VGLL4: variants seen among roughly 807,000 people sequenced by gnomAD.
VGLL4 encodes the protein transcription cofactor vestigial-like protein 4.
In VGLL4, 7 loss-of-function variants were observed where a neutral mutation model predicts 21.0. That is an observed-to-expected ratio of 0.33 (90% CI 0.19 to 0.63). The LOEUF (loss-of-function observed/expected upper bound fraction) is 0.63, where lower values mean the gene tolerates loss of function less well. Among genes scored for constraint, VGLL4 ranks in the 20% least tolerant of loss-of-function variants. The pLI is 0.78. For missense variants in VGLL4, 394 were observed against 425.7 expected, an observed-to-expected ratio of 0.93 and a Z score of 0.66; for synonymous variants, 222 against 173.2, an observed-to-expected ratio of 1.28 and a Z score of -2.21.
At chr3:11,670,908 ATG>A (rs2076202700) in intron 2 of VGLL4, among the ~76,000 whole-genome samples, 1 of 151,878 alleles carries the variant, frequency 6.6e-6, no homozygotes, top group South Asian at 2.1e-4. Context: ...GTGGTGGCGC[ATG>A]CCTGTAATTG....
At chr3:11,689,289 C>G (rs1431959036) in intron 2 of VGLL4, among the ~76,000 whole-genome samples, 4 of 152,214 alleles carry the variant, frequency 2.6e-5, no homozygotes, top group Middle Eastern at 3.4e-3. Context: ...CATGTTAAGA[C>G]TCTGGGGTTG....
chr3:11,561,127 C>T (rs569634309), intron 3 of VGLL4, among the ~76,000 whole-genome samples: 1 of 93,056 alleles, frequency 1.1e-5, no homozygotes, highest in Non-Finnish European at 2.2e-5. Context: ...TCTAGGAGAC[C>T]CCCCCCCAGG....
At chr3:11,643,128 A>G (rs2075728105) in intron 1 of VGLL4, among the ~76,000 whole-genome samples, 1 of 152,162 alleles carries the variant, frequency 6.6e-6, no homozygotes, top group South Asian at 2.1e-4. Context: ...CCTAAAGACA[A>G]TATTAACGGA....
Position 11,643,632 on chromosome 3 carries a change from C to T in VGLL4, c.-114G>A. 6.4e-7 allele frequency: 1 copy of T among 1,554,344 alleles called. No individual in the cohort carries two copies. Among genetic ancestry groups the T allele is most frequent in the Non-Finnish European group, 8.6e-7 (1 of 1,156,690 alleles). On this transcript the variant is annotated 5_prime_UTR_variant, in exon 1 of 5. Transcript: ENST00000430365. ...CTCTTCAACTTCACAAAGGCAGAGG[C>T]CCAGCCTCAGACTATCAAAACAAAG...
At chr3:11,585,668 A>G (rs973715055) in intron 2 of VGLL4, among the ~76,000 whole-genome samples, 12 of 152,228 alleles carry the variant, frequency 7.9e-5, no homozygotes, top group Non-Finnish European at 1.5e-5. Context: ...GACAGAGATG[A>G]GCCTTTGGGG....
chr3:11,598,149 G>A (rs1410962417), intron 2 of VGLL4, among the ~76,000 whole-genome samples: 1 of 151,974 alleles, frequency 6.6e-6, no homozygotes, highest in Non-Finnish European at 1.5e-5. Flanking sequence ...ACAGCCTCCT[G>A]AGTAGCTGGG....
chr3:11,635,374 T>G (rs1374631596), intron 1 of VGLL4, among the ~76,000 whole-genome samples: 1 of 152,164 alleles, frequency 6.6e-6, no homozygotes, highest in African/African-American at 2.4e-5. Context: ...AAGAGATCTG[T>G]GAGCACCAAC....
chr3:11,649,079 A>C (rs112452604), intron 2 of VGLL4, among the ~76,000 whole-genome samples: 302 of 152,358 alleles, frequency 2.0e-3, no homozygotes, highest in African/African-American at 7.1e-3. Flanking sequence ...CTTATCATAC[A>C]GCTATGTGTA....
At chr3:11,713,080 T>G (rs1483748471) in intron 1 of VGLL4, among the ~76,000 whole-genome samples, 1 of 152,054 alleles carries the variant, frequency 6.6e-6, no homozygotes, top group Non-Finnish European at 1.5e-5. Context: ...CCTGAGGACT[T>G]TGAGATCCAC....
At chr3:11,624,913 G>A (rs1195389202) in intron 1 of VGLL4, among the ~76,000 whole-genome samples, 1 of 152,140 alleles carries the variant, frequency 6.6e-6, no homozygotes, top group African/African-American at 2.4e-5. Flanking sequence ...AAGCCACCAC[G>A]ATCACGCTCT....
At chr3:11,709,430 C>A (rs1315574057) in intron 1 of VGLL4, among the ~76,000 whole-genome samples, 28 of 139,570 alleles carry the variant, frequency 2.0e-4, no homozygotes, top group Admixed American at 1.5e-3. Context: ...GTGCAAGACT[C>A]CGTCTAAAAA....
At chr3:11,716,243 A>T (rs2076917031) in intron 1 of VGLL4, among the ~76,000 whole-genome samples, 1 of 149,772 alleles carries the variant, frequency 6.7e-6, no homozygotes. Flanking sequence ...TGGAAGTTGC[A>T]GTGAGCTGAG....
chr3:11,606,664 ACT>A (rs1386971540), intron 1 of VGLL4, among the ~76,000 whole-genome samples: 1 of 152,116 alleles, frequency 6.6e-6, no homozygotes. Context: ...GCCAATCAAC[ACT>A]CTGTAAAAAC....
chr3:11,688,943 G>A (rs111953087), intron 2 of VGLL4, among the ~76,000 whole-genome samples: 25 of 152,132 alleles, frequency 1.6e-4, no homozygotes, highest in African/African-American at 5.3e-4. Context: ...GCTTGAACCC[G>A]GGAGCTGGAG....
chr3:11,630,536 C>T (rs1365284476), intron 1 of VGLL4, among the ~76,000 whole-genome samples: 1 of 152,080 alleles, frequency 6.6e-6, no homozygotes, highest in Non-Finnish European at 1.5e-5. Context: ...ATCCCAGCTA[C>T]TGGGGAGGGT....
intron 2 of VGLL4, among the ~76,000 whole-genome samples, chr3:11,696,405 T>A (rs554757180): frequency 1.3e-5 from 2 of 152,344 alleles, no homozygotes; most frequent in Admixed American, 1.3e-4. Flanking sequence ...TGCCTGCCCC[T>A]TTGCTGTACC....
chr3:11,632,323 AAAAAAT>A, intron 1 of VGLL4, among the ~76,000 whole-genome samples: 1 of 152,306 alleles, frequency 6.6e-6, no homozygotes, highest in South Asian at 2.1e-4. Context: ...AAAAATAAAA[AAAAAAT>A]AAAATAAAAT....
At chr3:11,714,342 G>A (rs2076890186) in intron 1 of VGLL4, among the ~76,000 whole-genome samples, 1 of 152,082 alleles carries the variant, frequency 6.6e-6, no homozygotes, top group Non-Finnish European at 1.5e-5. Flanking sequence ...AATCAAGTCT[G>A]AACTTTCTGA....
chr3:11,595,038 A>G (rs907039740), intron 2 of VGLL4, among the ~76,000 whole-genome samples: 6 of 152,144 alleles, frequency 3.9e-5, no homozygotes, highest in African/African-American at 1.2e-4. Context: ...GCGCATGCCT[A>G]TAATCCTAGC....
Sources: allele counts gnomAD v4.1 joint callset (sites outside exome capture counted in the v4.1 genomes callset), GRCh38; gene constraint gnomAD v4.1.1; transcripts MANE v1.5; gene names NCBI Gene and HGNC (gene_info 2026-07-23, HGNC 2026-07-21).